The following CNTLN variants were observed in gnomAD, a reference collection of about 807,000 sequenced individuals.
CNTLN encodes the protein centlein, also known as centlein, centrosomal protein.
CNTLN carries 212 observed loss-of-function variants against 180.0 expected under a neutral mutation model. That is an observed-to-expected ratio of 1.18 (90% CI 1.05 to 1.32). CNTLN has a LOEUF of 1.32. CNTLN is among the 40% of genes most tolerant of loss of function. The pLI, the probability that CNTLN is intolerant of heterozygous loss-of-function variation, is 0.00. For synonymous variants in CNTLN, 722 were observed against 563.1 expected (o/e 1.28, Z -3.99); for missense variants, 2,095 against 1,610.9 (o/e 1.30, Z -5.14).
chr9:17,338,515 GT>G (rs764813251), intron 10 of CNTLN, among the ~76,000 whole-genome samples: 14 of 151,212 alleles, frequency 9.3e-5, no homozygotes, highest in Non-Finnish European at 1.6e-4. Context: ...TTTCTAATAT[GT>G]CTTGCTGAAA....
Position 17,400,612 on chromosome 9 carries a change from A to AT in CNTLN, c.2615+5545dup, listed in dbSNP as rs1826898769. ...AAAATAGGCATAATGATAGGATCAT[A>AT]TTCATAGATACGTTGTGAGAAAGAA... On this transcript the variant is annotated intron_variant, in intron 15 of 25. Coordinates refer to ENST00000380647, the MANE Select transcript of CNTLN (RefSeq NM_017738.4). Among the ~76,000 whole-genome samples the AT allele has an allele frequency of 2.0e-5, 3 of 152,328 alleles. No homozygotes were observed. In the East Asian group the frequency reaches 5.8e-4, roughly 29 times the overall value.
At chr9:17,260,478 T>C (rs1207834052) in intron 5 of CNTLN, among the ~76,000 whole-genome samples, 5 of 151,428 alleles carry the variant, frequency 3.3e-5, no homozygotes, top group Middle Eastern at 6.5e-3. Flanking sequence ...CAAGTGTCTG[T>C]TTATGTTCTT....
At chr9:17,525,452 G>A in the CNTLN span, among the ~76,000 whole-genome samples, 2 of 152,092 alleles carry the variant, frequency 1.3e-5, no homozygotes, top group South Asian at 2.1e-4. Context: ...ATGATTCAGA[G>A]TTTTTAAAAA....
intron 25 of CNTLN, among the ~76,000 whole-genome samples, chr9:17,493,255 A>G (rs887780288): frequency 6.6e-6 from 1 of 152,176 alleles, no homozygotes; most frequent in Admixed American, 6.6e-5. Context: ...ACATAAAACA[A>G]TTTTTAAAAA....
At chr9:17,525,205 T>C in the CNTLN span, among the ~76,000 whole-genome samples, 44 of 152,132 alleles carry the variant, frequency 2.9e-4, no homozygotes, top group Non-Finnish European at 5.4e-4. Flanking sequence ...CTGATTAATA[T>C]GCGTGACTAT....
intron 19 of CNTLN, among the ~76,000 whole-genome samples, chr9:17,459,831 T>A (rs1042599897): frequency 6.6e-6 from 1 of 151,670 alleles, no homozygotes. Flanking sequence ...CCTAATAACC[T>A]CATTTTACCT....
At chr9:17,370,147 G>T (rs1469782175) in intron 13 of CNTLN, among the ~76,000 whole-genome samples, 1 of 151,968 alleles carries the variant, frequency 6.6e-6, no homozygotes, top group African/African-American at 2.4e-5. Context: ...TTATTCAAAG[G>T]GAAAATAACA....
chr9:17,280,551 G>A (rs1400926187), intron 6 of CNTLN, among the ~76,000 whole-genome samples: 1 of 152,106 alleles, frequency 6.6e-6, no homozygotes, highest in Admixed American at 6.5e-5. Context: ...TTCCAGTACA[G>A]AGTGGGCAAA....
At chr9:17,164,462 T>G (rs1158398362) in intron 2 of CNTLN, among the ~76,000 whole-genome samples, 3 of 132,694 alleles carry the variant, frequency 2.3e-5, no homozygotes, top group Non-Finnish European at 3.2e-5. Context: ...TTTATGTTTT[T>G]TTTTTTTTTT....
At chr9:17,295,594 T>TG (rs766141359) in intron 6 of CNTLN, among the ~76,000 whole-genome samples, 14 of 152,272 alleles carry the variant, frequency 9.2e-5, no homozygotes, top group South Asian at 4.1e-4. Context: ...TTCTTCTTGG[T>TG]GGGGGGCCTC....
At chr9:17,346,206 C>A (rs1215700020) in intron 12 of CNTLN, among the ~76,000 whole-genome samples, 1 of 151,982 alleles carries the variant, frequency 6.6e-6, no homozygotes, top group Non-Finnish European at 1.5e-5. Flanking sequence ...GGGGAAGAGT[C>A]CCATATAAAA....
downstream of CNTLN, among the ~76,000 whole-genome samples, chr9:17,504,367 A>G (rs1319281468): frequency 6.6e-6 from 1 of 152,182 alleles, no homozygotes; most frequent in Admixed American, 6.5e-5. Flanking sequence ...GTAATACCTC[A>G]TTACGACAGA....
intron 23 of CNTLN, among the ~76,000 whole-genome samples, chr9:17,474,151 AAT>A (rs1832198405): frequency 6.6e-6 from 1 of 152,096 alleles, no homozygotes; most frequent in African/African-American, 2.4e-5. Flanking sequence ...ATGACTCCCT[AAT>A]ATATATCTGT....
intron 19 of CNTLN, 31 bp from the exon 20 acceptor site, chr9:17,462,885 A>C: frequency 1.7e-6 from 2 of 1,202,130 alleles, no homozygotes; most frequent in Non-Finnish European, 2.3e-6. Context: ...GTTGTAAGGT[A>C]TATTTAAATT....
intron 2 of CNTLN, among the ~76,000 whole-genome samples, chr9:17,208,159 A>T (rs1318168161): frequency 3.9e-5 from 6 of 152,014 alleles, no homozygotes; most frequent in African/African-American, 1.4e-4. Flanking sequence ...CAGGTTTTTG[A>T]GGGTTTTTAT....
intron 6 of CNTLN, among the ~76,000 whole-genome samples, chr9:17,290,993 T>C (rs1479457606): frequency 6.6e-6 from 1 of 152,152 alleles, no homozygotes; most frequent in Non-Finnish European, 1.5e-5. Flanking sequence ...CTGGGAGCTG[T>C]AGACCGGAGC....
chr9:17,423,900 G>T (rs1409907825), intron 18 of CNTLN, among the ~76,000 whole-genome samples: 1 of 152,094 alleles, frequency 6.6e-6, no homozygotes, highest in African/African-American at 2.4e-5. Flanking sequence ...GATGATGTAG[G>T]CAATGCAAGA....
chr9:17,427,922 G>A (rs1829193089), intron 18 of CNTLN, among the ~76,000 whole-genome samples: 1 of 152,128 alleles, frequency 6.6e-6, no homozygotes, highest in Non-Finnish European at 1.5e-5. Flanking sequence ...GAAGTATAAT[G>A]GGAACACAAC....
intron 18 of CNTLN, among the ~76,000 whole-genome samples, chr9:17,449,702 T>C (rs997410734): frequency 6.6e-6 from 1 of 152,214 alleles, no homozygotes; most frequent in Admixed American, 6.5e-5. Flanking sequence ...TTCCCCATAC[T>C]TGTGGGAACA....
Sources: gnomAD v4.1 joint callset for allele counts (sites outside exome capture counted in the v4.1 genomes callset) on GRCh38, gnomAD v4.1.1 for gene constraint, MANE v1.5 for transcripts, NCBI Gene and HGNC (gene_info 2026-07-23, HGNC 2026-07-21) for gene names.